Variants in ATP9B observed in about 807,000 individuals in gnomAD.
ATP9B encodes the protein ATPase phospholipid transporting 9B.
Under a neutral mutation model 146.1 loss-of-function variants are expected in ATP9B, and 110 were observed. That is an observed-to-expected ratio of 0.75 (90% confidence interval 0.65 to 0.88). The LOEUF (loss-of-function observed/expected upper bound fraction) is 0.88. Ranked by LOEUF, ATP9B falls within the 40% of genes least tolerant of loss-of-function variation. The probability of loss-of-function intolerance (pLI) is 0.00; values close to 1 mark genes in which losing one functional copy is unlikely to be tolerated. For synonymous variants in ATP9B, 604 were observed against 569.7 expected (o/e 1.06, Z -0.86); for missense variants, 1,499 against 1,496.4 (o/e 1.00, Z -0.03).
At chr18:79,232,719 G>T (rs1480912708) in intron 11 of ATP9B, among the ~76,000 whole-genome samples, 1 of 152,218 alleles carries the variant, frequency 6.6e-6, no homozygotes, top group Non-Finnish European at 1.5e-5. Flanking sequence ...CATGTTAAGG[G>T]CTGGAATAGA....
intron 2 of ATP9B, among the ~76,000 whole-genome samples, chr18:79,107,901 G>GT (rs2075762172): frequency 6.6e-6 from 1 of 152,206 alleles, no homozygotes; most frequent in Non-Finnish European, 1.5e-5. Flanking sequence ...TAGTCTTAGA[G>GT]AAGTCACTTG....
intron 23 of ATP9B, among the ~76,000 whole-genome samples, chr18:79,346,193 T>TCAGCACA (rs1351453797): frequency 7.0e-6 from 1 of 142,734 alleles, no homozygotes; most frequent in Admixed American, 6.9e-5. Flanking sequence ...CAGCGCACAG[T>TCAGCACA]CAGCACACAG....
In ATP9B at chr18:79,118,396, T is replaced by TG. The variant is rs1568213465; in HGVS notation, c.558+5042_558+5043insG. 3.8e-4 allele frequency among the ~76,000 whole-genome samples: 45 copies of TG among 119,286 alleles called. 2 individuals carry two copies. Among genetic ancestry groups the TG allele is most frequent in the African/African-American group, 1.3e-3 (39 of 29,388 alleles). 78.3% of individuals were successfully genotyped at this position (119,286 alleles called of 152,430 possible). On this transcript the variant is annotated intron_variant, in intron 4 of 29. Coordinates refer to ENST00000426216, the MANE Select transcript of ATP9B (RefSeq NM_198531.5). Reference sequence around the variant, plus strand: ...AATCATATTGAACGTTTTTGTTTTTTTTTTTTTTTTTTTTTTTTTTTTGAG... The same window carrying TG: ...AATCATATTGAACGTTTTTGTTTTTTGTTTTTTTTTTTTTTTTTTTTTTGAG...
intron 29 of ATP9B, chr18:79,375,963 G>A: frequency 1.0e-6 from 1 of 985,336 alleles, no homozygotes; most frequent in Non-Finnish European, 1.2e-6. Flanking sequence ...CGGAATTCAA[G>A]TAGCTAGTCA....
intron 7 of ATP9B, among the ~76,000 whole-genome samples, chr18:79,175,835 T>C (rs1224842215): frequency 2.0e-5 from 3 of 151,844 alleles, no homozygotes; most frequent in African/African-American, 7.3e-5. Flanking sequence ...CGCACACACA[T>C]ATACATGCAC....
chr18:79,223,516 A>T (rs1600627629), intron 11 of ATP9B, among the ~76,000 whole-genome samples: 1 of 152,328 alleles, frequency 6.6e-6, no homozygotes, highest in East Asian at 1.9e-4. Context: ...ATCAACAGAG[A>T]TAGAAAGACT....
chr18:79,098,520 TCAAA>T (rs2075001984), intron 2 of ATP9B, among the ~76,000 whole-genome samples: 1 of 150,684 alleles, frequency 6.6e-6, no homozygotes, highest in Non-Finnish European at 1.5e-5. Context: ...TACAATGAAC[TCAAA>T]CAAATTTACA....
At chr18:79,187,808 A>G (rs1272478668) in intron 8 of ATP9B, among the ~76,000 whole-genome samples, 2 of 152,226 alleles carry the variant, frequency 1.3e-5, no homozygotes, top group Non-Finnish European at 2.9e-5. Context: ...ACAAATTTGT[A>G]TGGTAATGAC....
chr18:79,375,992 C>G (rs2097099678), intron 29 of ATP9B: 6 of 985,246 alleles, frequency 6.1e-6, no homozygotes, highest in Non-Finnish European at 7.2e-6. Context: ...ACAGCTTGGT[C>G]CTGGTGAGTA....
chr18:79,137,807 G>A (rs890854224), intron 5 of ATP9B, among the ~76,000 whole-genome samples: 1 of 152,092 alleles, frequency 6.6e-6, no homozygotes, highest in African/African-American at 2.4e-5. Context: ...AGTCACAGAT[G>A]CCCACCTTTG....
intron 25 of ATP9B, among the ~76,000 whole-genome samples, chr18:79,349,993 A>G (rs1292198840): frequency 6.6e-6 from 1 of 151,230 alleles, no homozygotes; most frequent in African/African-American, 2.4e-5. Flanking sequence ...ACAAGGCACA[A>G]GGTATATCGG....
chr18:79,283,594 A>T (rs1308342469), intron 13 of ATP9B, among the ~76,000 whole-genome samples: 1 of 152,176 alleles, frequency 6.6e-6, no homozygotes, highest in Non-Finnish European at 1.5e-5. Flanking sequence ...GTTTGATTGG[A>T]GTGCACATTT....
At chr18:79,332,660 G>A (rs1249258684) in intron 17 of ATP9B, among the ~76,000 whole-genome samples, 1 of 152,178 alleles carries the variant, frequency 6.6e-6, no homozygotes, top group Admixed American at 6.5e-5. Context: ...AAACTTTACT[G>A]AAAATAATCT....
chr18:79,370,035 G>T (rs934123144), intron 26 of ATP9B, among the ~76,000 whole-genome samples: 1 of 151,998 alleles, frequency 6.6e-6, no homozygotes, highest in Non-Finnish European at 1.5e-5. Context: ...GGAGGCGGAG[G>T]TTGCAGTGAG....
chr18:79,348,013 C>T, intron 24 of ATP9B, 88 bp downstream of exon 24: 2 of 1,597,246 alleles, frequency 1.3e-6, no homozygotes, highest in Non-Finnish European at 8.5e-7. Context: ...AGTGGGGGTG[C>T]TGAGTGCTGC....
intron 13 of ATP9B, among the ~76,000 whole-genome samples, chr18:79,293,203 G>T (rs2096524444): frequency 6.6e-6 from 1 of 151,028 alleles, no homozygotes; most frequent in African/African-American, 2.4e-5. Context: ...ACTCAAAATG[G>T]ATCATAGACC....
rs1343952856 is a variant in ATP9B, at chr18:79,193,266, A to G, written c.954+3A>G. ...GTTTCGAAGGCACATTTACCAGGGT[A>G]AGTTAAACCTGTTGTTCAATACAAA... On this transcript the variant is annotated splice_donor_region_variant and intron_variant, in intron 9 of 29. Transcript: ENST00000426216. 8 of 1,595,686 alleles carry G rather than the reference A, an allele frequency of 5.0e-6. No individual in the cohort carries two copies. The highest frequency in any genetic ancestry group is 6.0e-6 in the Non-Finnish European group (7 of 1,163,530).
At position 79,233,580 on chromosome 18, in the gene ATP9B, A is replaced by G. The variant is rs371657374; in HGVS notation, c.1107+19542A>G. Among the ~76,000 whole-genome samples, 3 of 152,346 alleles carry G rather than the reference A, an allele frequency of 2.0e-5. No individual in the cohort carries two copies. In the East Asian group the frequency reaches 5.8e-4, roughly 29 times the overall value. ...ATGACACTTCCTGTCACAGTGAATT[A>G]CCCAGACCCCACACATGAGGCCACC... is the stretch of plus-strand genomic sequence containing the variant. On this transcript the variant is annotated intron_variant, in intron 11 of 29. Coordinates refer to ENST00000426216, the MANE Select transcript of ATP9B (RefSeq NM_198531.5).
intron 4 of ATP9B, among the ~76,000 whole-genome samples, chr18:79,113,751 C>A (rs573789727): frequency 5.7e-4 from 86 of 152,108 alleles, no homozygotes; most frequent in Middle Eastern, 3.2e-3. Flanking sequence ...CTGAAGTATC[C>A]AAGTGCAGTA....
Sources: gnomAD v4.1 joint callset for allele counts (sites outside exome capture counted in the v4.1 genomes callset) on GRCh38, gnomAD v4.1.1 for gene constraint, MANE v1.5 for transcripts, NCBI Gene and HGNC (gene_info 2026-07-23, HGNC 2026-07-21) for gene names.